The following FBXL13 variants were observed in gnomAD, a reference collection of about 807,000 sequenced individuals.
The protein encoded by FBXL13 is F-box and leucine-rich repeat protein 13.
Under a neutral mutation model 83.6 loss-of-function variants are expected in FBXL13, and 67 were observed. The observed-to-expected ratio is 0.80, with a 90% CI of 0.66 to 0.98. The LOEUF is 0.98. Ranked by LOEUF, FBXL13 falls within the 50% of genes least tolerant of loss-of-function variation. The pLI, the probability that FBXL13 is intolerant of heterozygous loss-of-function variation, is 0.00. For missense variants in FBXL13, 822 were observed against 866.5 expected (o/e 0.95, Z 0.64); for synonymous variants, 272 against 299.5 (o/e 0.91, Z 0.95).
At chr7:102,871,652 C>A (rs1808553059) in intron 16 of FBXL13, among the ~76,000 whole-genome samples, 1 of 152,144 alleles carries the variant, frequency 6.6e-6, no homozygotes, top group South Asian at 2.1e-4. Flanking sequence ...CTCAGCCTCC[C>A]AAAATGCTAG....
At chr7:102,842,460 A>G (rs1164942049) in intron 17 of FBXL13, among the ~76,000 whole-genome samples, 3 of 152,266 alleles carry the variant, frequency 2.0e-5, no homozygotes, top group Non-Finnish European at 4.4e-5. Context: ...ACTTTGGTTG[A>G]GCACCAGGGG....
At chr7:102,959,257 T>C (rs1824787189) in intron 8 of FBXL13, among the ~76,000 whole-genome samples, 1 of 152,106 alleles carries the variant, frequency 6.6e-6, no homozygotes, top group Non-Finnish European at 1.5e-5. Context: ...TTTTGCATAA[T>C]TTCTTTTTTT....
intron 8 of FBXL13, among the ~76,000 whole-genome samples, chr7:102,948,581 A>G (rs1969429): frequency 0.97 from 147,644 of 151,912 alleles, 71,898 homozygotes; most frequent in East Asian, 1. Context: ...CCGCCACCAC[A>G]CCCAGCTAAT....
At chr7:102,867,918 G>T (rs1224955275) in intron 16 of FBXL13, among the ~76,000 whole-genome samples, 1 of 151,356 alleles carries the variant, frequency 6.6e-6, no homozygotes, top group Non-Finnish European at 1.5e-5. Context: ...TAGCCAGGAT[G>T]GTCTCGATCT....
At chr7:102,846,069 T>C (rs560758583) in intron 17 of FBXL13, among the ~76,000 whole-genome samples, 6 of 152,334 alleles carry the variant, frequency 3.9e-5, no homozygotes, top group African/African-American at 1.4e-4. Context: ...AGGAAATTAA[T>C]ACATGGAAAA....
At chr7:102,876,538 G>T (rs1362751406) in intron 16 of FBXL13, among the ~76,000 whole-genome samples, 1 of 152,092 alleles carries the variant, frequency 6.6e-6, no homozygotes, top group East Asian at 1.9e-4. Flanking sequence ...TCATTTAAAA[G>T]ACCCCACCGA....
At chr7:102,994,427 GA>G (rs11404663) in intron 6 of FBXL13, among the ~76,000 whole-genome samples, 4 of 147,736 alleles carry the variant, frequency 2.7e-5, no homozygotes, top group African/African-American at 7.5e-5. Flanking sequence ...TCTCCAAGAG[GA>G]AAAAAAAAAG....
intron 11 of FBXL13, among the ~76,000 whole-genome samples, chr7:102,901,891 A>C (rs1179190758): frequency 6.6e-6 from 1 of 152,230 alleles, no homozygotes; most frequent in African/African-American, 2.4e-5. Context: ...GCTGCAACAG[A>C]CATAGGAGTG....
chr7:103,060,045 T>C (rs1435821960), intron 1 of FBXL13, among the ~76,000 whole-genome samples: 6 of 98,926 alleles, frequency 6.1e-5, no homozygotes, highest in South Asian at 3.1e-4. Flanking sequence ...TATATATATA[T>C]ATATATATAT....
chr7:102,934,621 G>A (rs1819932907), intron 8 of FBXL13: 1 of 1,610,724 alleles, frequency 6.2e-7, no homozygotes, highest in African/African-American at 1.3e-5. Flanking sequence ...TCAAGCCTGA[G>A]GTGGACTCAA....
At chr7:102,940,746 G>A (rs750980690) in intron 8 of FBXL13, among the ~76,000 whole-genome samples, 3 of 152,166 alleles carry the variant, frequency 2.0e-5, no homozygotes, top group Non-Finnish European at 2.9e-5. Flanking sequence ...TGGCGAAAAT[G>A]AGCTTGGTAA....
At chr7:102,854,810 A>G in exon 17 of FBXL13, 1 of 1,591,812 alleles carries the variant, frequency 6.3e-7, no homozygotes, top group Admixed American at 1.7e-5. Context: ...TATAACATTC[A>G]GATACAGAAA....
At chr7:102,935,651 T>C (rs1704842423) in intron 8 of FBXL13, among the ~76,000 whole-genome samples, 1 of 152,164 alleles carries the variant, frequency 6.6e-6, no homozygotes, top group Admixed American at 6.5e-5. Context: ...TTAGTAATGC[T>C]CTTGACATGT....
At chr7:102,887,404 TATAC>T (rs1238427022) in intron 11 of FBXL13, among the ~76,000 whole-genome samples, 4 of 144,236 alleles carry the variant, frequency 2.8e-5, no homozygotes, top group African/African-American at 1.1e-4. Context: ...TCCAAGTATA[TATAC>T]ATACATACAC....
chr7:103,022,545 A>C (rs997736656), intron 6 of FBXL13, among the ~76,000 whole-genome samples: 4 of 152,186 alleles, frequency 2.6e-5, no homozygotes, highest in Non-Finnish European at 5.9e-5. Context: ...CCACACATCT[A>C]CACAATCAAG....
At chr7:102,829,058 G>C (rs1458303895) in intron 18 of FBXL13, among the ~76,000 whole-genome samples, 1 of 152,200 alleles carries the variant, frequency 6.6e-6, no homozygotes, top group African/African-American at 2.4e-5. Flanking sequence ...CCTAGAAACA[G>C]GACATCTTTC....
chr7:102,849,274 CTGT>C (rs955697365), intron 17 of FBXL13, among the ~76,000 whole-genome samples: 6 of 152,208 alleles, frequency 3.9e-5, no homozygotes, highest in African/African-American at 1.4e-4. Flanking sequence ...CATTGAATGT[CTGT>C]TGTTCTCAGA....
At chr7:102,899,951 G>A (rs1812757682) in intron 11 of FBXL13, among the ~76,000 whole-genome samples, 1 of 152,060 alleles carries the variant, frequency 6.6e-6, no homozygotes, top group African/African-American at 2.4e-5. Context: ...GGAGGCTGAG[G>A]CAGGAGAATT....
At chr7:102,878,115 C>T (rs2129458129) in intron 15 of FBXL13, among the ~76,000 whole-genome samples, 1 of 152,174 alleles carries the variant, frequency 6.6e-6, no homozygotes, top group East Asian at 1.9e-4. Context: ...GAACGACTCC[C>T]TCAGATGTAA....
Sources: gnomAD v4.1 joint callset for allele counts (sites outside exome capture counted in the v4.1 genomes callset) on GRCh38, gnomAD v4.1.1 for gene constraint, MANE v1.5 for transcripts, NCBI Gene and HGNC (gene_info 2026-07-23, HGNC 2026-07-21) for gene names.